The following NLGN1 variants were observed in gnomAD, a reference collection of about 807,000 sequenced individuals.
NLGN1 encodes the protein neuroligin-1.
A neutral mutation model predicts 65.5 loss-of-function variants in NLGN1; 12 were observed. The ratio of observed to expected loss-of-function variants is 0.18; its 90% CI spans 0.12 to 0.30. NLGN1 has a LOEUF of 0.30. NLGN1 is among the 10% of genes least tolerant of loss of function. The pLI is 1.00. For missense variants in NLGN1, 750 were observed against 1,007.1 expected, an observed-to-expected ratio of 0.74 and a Z score of 3.46; for synonymous variants, 350 against 359.5, an observed-to-expected ratio of 0.97 and a Z score of 0.30.
Position 173,427,441 on chromosome 3 carries a change from C to A in NLGN1, c.-389-7569C>A, listed in dbSNP as rs1171957667. 4.6e-5 allele frequency among the ~76,000 whole-genome samples: 7 copies of A among 151,874 alleles called. No individual in the cohort carries two copies. In the East Asian group the frequency reaches 9.6e-4, roughly 21 times the overall value. ...AGTCTTTTTTCTTTTTCAATGTAAG[C>A]ATTTATTGCTGTAAACTTTTTTCTT... On this transcript the variant is annotated intron_variant, in intron 1 of 6. Transcript: ENST00000457714.
At chr3:173,692,476 T>A (rs1765615737) in intron 3 of NLGN1, among the ~76,000 whole-genome samples, 1 of 152,098 alleles carries the variant, frequency 6.6e-6, no homozygotes. Context: ...AGTTATGTCT[T>A]TGAACATAGA....
At chr3:173,645,755 G>A (rs1286350610) in intron 3 of NLGN1, among the ~76,000 whole-genome samples, 2 of 152,130 alleles carry the variant, frequency 1.3e-5, no homozygotes, top group Non-Finnish European at 2.9e-5. Context: ...GAGAATGAGG[G>A]AGAAAAAAAG....
rs73042105 is a variant in NLGN1 at position 173,981,729 on chromosome 3, A to T, written c.646+173897A>T. On this transcript the variant is annotated intron_variant, in intron 4 of 6. Coordinates refer to ENST00000457714, the Ensembl canonical transcript of NLGN1. ...CTCTTTGTGTAGTATAATTCTTCAT[A>T]TTCATCATGATACCAAGTATATTTT... Among the ~76,000 whole-genome samples the T allele has an allele frequency of 9.3e-3, 1,418 of 152,214 alleles. 27 individuals are homozygous for T. The highest frequency in any genetic ancestry group is 0.032 in the African/African-American group (1,347 of 41,550).
intron 3 of NLGN1, among the ~76,000 whole-genome samples, chr3:173,658,612 T>C (rs73880535): frequency 0.035 from 5,371 of 152,036 alleles, 310 homozygotes; most frequent in African/African-American, 0.12. Context: ...CCGGGAAAAA[T>C]GATTCAGTGA....
chr3:174,238,067 T>C (rs1742077791), intron 4 of NLGN1, among the ~76,000 whole-genome samples: 2 of 152,224 alleles, frequency 1.3e-5, no homozygotes, highest in Non-Finnish European at 2.9e-5. Flanking sequence ...TAGGTATCTA[T>C]GTAGATTTGC....
In NLGN1 at chr3:173,549,118, A is replaced by G. The variant is rs553759366; in HGVS notation, c.-320-55161A>G. On this transcript the variant is annotated intron_variant, in intron 2 of 6. Transcript: ENST00000457714. Reference sequence around the variant, plus strand: ...TTGGTTTTTTAAAGTACTGAAGACTACAAATATGTTCACCATCATTGTGGA... The same window carrying G: ...TTGGTTTTTTAAAGTACTGAAGACTGCAAATATGTTCACCATCATTGTGGA... 1.2e-4 allele frequency among the ~76,000 whole-genome samples: 18 copies of G among 152,164 alleles called. No individual in the cohort carries two copies. In the South Asian group the frequency reaches 1.4e-3, roughly 12 times the overall value.
At chr3:174,111,939 A>T (rs956353621) in intron 4 of NLGN1, among the ~76,000 whole-genome samples, 1 of 151,946 alleles carries the variant, frequency 6.6e-6, no homozygotes, top group Non-Finnish European at 1.5e-5. Flanking sequence ...CGACTCTTGG[A>T]TGTACCAGTG....
chr3:174,260,255 G>A (rs1264388224), intron 4 of NLGN1, among the ~76,000 whole-genome samples: 9,420 of 148,910 alleles, frequency 0.063, 351 homozygotes, highest in Non-Finnish European at 0.094. Context: ...CTGAGGAATC[G>A]CCACACTGAC....
chr3:173,503,772 AT>A (rs902694850), intron 2 of NLGN1, among the ~76,000 whole-genome samples: 1 of 152,000 alleles, frequency 6.6e-6, no homozygotes, highest in African/African-American at 2.4e-5. Context: ...ACTTAACTCC[AT>A]TTCCAAAGGT....
At chr3:173,857,695 A>G (rs1425301273) in intron 4 of NLGN1, among the ~76,000 whole-genome samples, 1 of 151,868 alleles carries the variant, frequency 6.6e-6, no homozygotes, top group East Asian at 1.9e-4. Context: ...GAGCATCTTC[A>G]GGGTGTTACT....
At chr3:173,476,905 G>C (rs968693781) in intron 2 of NLGN1, among the ~76,000 whole-genome samples, 2 of 152,160 alleles carry the variant, frequency 1.3e-5, no homozygotes, top group Non-Finnish European at 2.9e-5. Flanking sequence ...AAGGGGTCTA[G>C]GTTGTTAACT....
chr3:173,476,225 T>C (rs1040585720), intron 2 of NLGN1, among the ~76,000 whole-genome samples: 1 of 152,216 alleles, frequency 6.6e-6, no homozygotes, highest in Admixed American at 6.5e-5. Flanking sequence ...GAGATGGTGC[T>C]AATGCTAGAT....
At chr3:173,449,163 A>G (rs1170773373) in intron 2 of NLGN1, among the ~76,000 whole-genome samples, 2 of 151,814 alleles carry the variant, frequency 1.3e-5, no homozygotes, top group Non-Finnish European at 2.9e-5. Context: ...TTAGGGTGTC[A>G]ATTTTAGATC....
intron 4 of NLGN1, among the ~76,000 whole-genome samples, chr3:174,161,114 TG>T (rs763049983): frequency 1.1e-4 from 17 of 151,902 alleles, no homozygotes; most frequent in Non-Finnish European, 1.6e-4. Context: ...TAATATAGAC[TG>T]TGTTTTCTTT....
chr3:174,205,104 A>G (rs1020066815), intron 4 of NLGN1, among the ~76,000 whole-genome samples: 5 of 152,198 alleles, frequency 3.3e-5, no homozygotes, highest in African/African-American at 7.2e-5. Context: ...ATATGATTCA[A>G]AATTTTAAAA....
intron 3 of NLGN1, among the ~76,000 whole-genome samples, chr3:173,636,322 C>T (rs1346215367): frequency 6.6e-6 from 1 of 151,896 alleles, no homozygotes; most frequent in East Asian, 1.9e-4. Flanking sequence ...ATGTTTTTAT[C>T]AACAGACGTT....
At chr3:174,221,308 G>C (rs1259737695) in intron 4 of NLGN1, among the ~76,000 whole-genome samples, 1 of 152,142 alleles carries the variant, frequency 6.6e-6, no homozygotes, top group African/African-American at 2.4e-5. Flanking sequence ...CAGAGGGTAA[G>C]GCTGTTTGCC....
At chr3:173,472,955 A>C (rs557703760) in intron 2 of NLGN1, among the ~76,000 whole-genome samples, 1 of 152,312 alleles carries the variant, frequency 6.6e-6, no homozygotes, top group South Asian at 2.1e-4. Flanking sequence ...GTGTTGGCCT[A>C]TAAATTCCAT....
intron 4 of NLGN1, among the ~76,000 whole-genome samples, chr3:173,904,463 T>A (rs891751916): frequency 6.6e-6 from 1 of 152,138 alleles, no homozygotes; most frequent in African/African-American, 2.4e-5. Context: ...CTTCCTTTTT[T>A]TTCTCCTAAA....
Sources: gnomAD v4.1 joint callset for allele counts (sites outside exome capture counted in the v4.1 genomes callset) on GRCh38, gnomAD v4.1.1 for gene constraint, MANE v1.5 for transcripts, NCBI Gene and HGNC (gene_info 2026-07-23, HGNC 2026-07-21) for gene names.